KCNMA1: variants seen among roughly 807,000 people sequenced by gnomAD.
KCNMA1 encodes the protein Calcium-activated potassium channel subunit alpha-1.
KCNMA1 carries 29 observed loss-of-function variants against 140.0 expected under a neutral mutation model. The ratio of observed to expected loss-of-function variants is 0.21; its 90% CI spans 0.15 to 0.28. The LOEUF is 0.28. Ranked by LOEUF, KCNMA1 falls within the 10% of genes least tolerant of loss-of-function variation. KCNMA1 has a pLI of 1.00. For synonymous variants in KCNMA1, 612 were observed against 611.9 expected (o/e 1.00, Z 0.00); for missense variants, 880 against 1,602.2 (o/e 0.55, Z 7.70).
intron 10 of KCNMA1, among the ~76,000 whole-genome samples, chr10:77,088,001 C>T (rs997559725): frequency 6.6e-6 from 1 of 152,032 alleles, no homozygotes; most frequent in African/African-American, 2.4e-5. Flanking sequence ...GAGTTTATCT[C>T]TGTCACACAG....
At chr10:77,153,996 T>A (rs1395961511) in intron 5 of KCNMA1, among the ~76,000 whole-genome samples, 1 of 152,160 alleles carries the variant, frequency 6.6e-6, no homozygotes, top group African/African-American at 2.4e-5. Flanking sequence ...CAAAATCTCA[T>A]CTTGAATTGT....
intron 1 of KCNMA1, among the ~76,000 whole-genome samples, chr10:77,443,082 TAC>T (rs2097443988): frequency 6.6e-6 from 1 of 152,134 alleles, no homozygotes; most frequent in Non-Finnish European, 1.5e-5. Flanking sequence ...GGTGGCTGGG[TAC>T]ACACACATAG....
At chr10:77,550,676 G>A (rs746622553) in intron 1 of KCNMA1, among the ~76,000 whole-genome samples, 3 of 152,210 alleles carry the variant, frequency 2.0e-5, no homozygotes, top group Non-Finnish European at 4.4e-5. Flanking sequence ...TTGGGGGAGT[G>A]GCAAGGATTG....
At chr10:77,378,769 A>C (rs1296919975) in intron 2 of KCNMA1, among the ~76,000 whole-genome samples, 1 of 152,236 alleles carries the variant, frequency 6.6e-6, no homozygotes, top group Non-Finnish European at 1.5e-5. Context: ...TGCAAACATA[A>C]AGCATGGTGC....
chr10:77,175,061 G>A (rs947242196), intron 5 of KCNMA1, among the ~76,000 whole-genome samples: 4 of 152,108 alleles, frequency 2.6e-5, no homozygotes, highest in Non-Finnish European at 4.4e-5. Context: ...ATCACCAGGA[G>A]TGCTTGTTAA....
chr10:77,048,019 A>G lies in KCNMA1; in HGVS notation c.1750-8382T>C, dbSNP rs551606749. ...TGAATTACAGGCCAGGCACTGGCTC[A>G]CGCCTGTAATCCCAGCAATTTGAGA... is the stretch of plus-strand genomic sequence containing the variant. On this transcript the variant is annotated intron_variant, in intron 14 of 27. Coordinates refer to ENST00000286628, the MANE Select transcript of KCNMA1 (RefSeq NM_001161352.2). 2.6e-5 allele frequency among the ~76,000 whole-genome samples: 4 copies of G among 152,074 alleles called. No individual in the cohort carries two copies. In the South Asian group the frequency reaches 6.2e-4, roughly 24 times the overall value.
At position 77,286,099 on chromosome 10, in the gene KCNMA1, C is replaced by A. The variant is rs377232605; in HGVS notation, c.541-34843G>T. On this transcript the variant is annotated intron_variant, in intron 2 of 27. Transcript: ENST00000286628. Reference sequence around the variant, plus strand: ...CAACATATTTATAATGGGACTCTACCTACACAATTAATTGTGTAATTTTTT... The same window carrying A: ...CAACATATTTATAATGGGACTCTACATACACAATTAATTGTGTAATTTTTT... Among the ~76,000 whole-genome samples, 4 of 152,272 alleles carry A rather than the reference C, an allele frequency of 2.6e-5. No homozygotes were observed. In the East Asian group the frequency reaches 7.7e-4, roughly 29 times the overall value.
chr10:77,167,343 G>T (rs1007555598), intron 5 of KCNMA1, among the ~76,000 whole-genome samples: 1 of 152,176 alleles, frequency 6.6e-6, no homozygotes, highest in African/African-American at 2.4e-5. Context: ...TTTGAAGAGA[G>T]ACATTCACTC....
At chr10:77,044,845 C>T (rs1034440814) in intron 14 of KCNMA1, among the ~76,000 whole-genome samples, 4 of 152,144 alleles carry the variant, frequency 2.6e-5, no homozygotes, top group Non-Finnish European at 5.9e-5. Flanking sequence ...AGAGTTCACA[C>T]TCTTAACCAC....
At chr10:76,945,015 C>G (rs1565094354) in intron 22 of KCNMA1, 50 bp from the exon 23 acceptor site, 1 of 1,415,832 alleles carries the variant, frequency 7.1e-7, no homozygotes, top group Non-Finnish European at 9.9e-7. Flanking sequence ...GAGAAAGAGA[C>G]AGAGAGAGAG....
intron 1 of KCNMA1, among the ~76,000 whole-genome samples, chr10:77,427,306 T>C (rs1054338739): frequency 2.0e-5 from 3 of 152,214 alleles, no homozygotes; most frequent in Non-Finnish European, 4.4e-5. Flanking sequence ...GTGAAGAGGC[T>C]TGCTTTAGAG....
intron 2 of KCNMA1, among the ~76,000 whole-genome samples, chr10:77,279,725 A>G (rs1233030670): frequency 3.3e-5 from 5 of 152,164 alleles, no homozygotes; most frequent in South Asian, 2.1e-4. Flanking sequence ...GAGGAACCCA[A>G]TGGGAGGTAA....
At chr10:77,411,769 G>A (rs963480124) in intron 1 of KCNMA1, among the ~76,000 whole-genome samples, 1 of 152,182 alleles carries the variant, frequency 6.6e-6, no homozygotes, top group Non-Finnish European at 1.5e-5. Flanking sequence ...CAAGGACAGA[G>A]AAACACAGTT....
At chr10:77,012,356 T>C (rs2090998130) in intron 17 of KCNMA1, 1 of 1,485,184 alleles carries the variant, frequency 6.7e-7, no homozygotes, top group Non-Finnish European at 8.9e-7. Context: ...CAGCCTTTGA[T>C]GCTACTCGTG....
intron 19 of KCNMA1, among the ~76,000 whole-genome samples, chr10:77,001,202 G>C (rs868193098): frequency 6.6e-6 from 1 of 152,064 alleles, no homozygotes; most frequent in Non-Finnish European, 1.5e-5. Flanking sequence ...TACGAGAAGC[G>C]TAAGTTAAGA....
intron 5 of KCNMA1, among the ~76,000 whole-genome samples, chr10:77,130,090 T>C (rs767063082): frequency 6.6e-6 from 1 of 152,122 alleles, no homozygotes; most frequent in Non-Finnish European, 1.5e-5. Flanking sequence ...AAACATAAAC[T>C]GAGGACCAAA....
chr10:77,598,206 A>T (rs900802573), intron 1 of KCNMA1, among the ~76,000 whole-genome samples: 1 of 152,106 alleles, frequency 6.6e-6, no homozygotes, highest in African/African-American at 2.4e-5. Flanking sequence ...CATGACCTCA[A>T]GTGATCCGCC....
chr10:77,095,602 T>C (rs10509380), intron 9 of KCNMA1, among the ~76,000 whole-genome samples: 66,102 of 151,982 alleles, frequency 0.43, 15,709 homozygotes, highest in Non-Finnish European at 0.53. Context: ...TTATGAACAC[T>C]ATTGAGGGTC....
At chr10:77,278,044 T>C (rs1051328412) in intron 2 of KCNMA1, among the ~76,000 whole-genome samples, 3 of 152,242 alleles carry the variant, frequency 2.0e-5, no homozygotes, top group Non-Finnish European at 2.9e-5. Context: ...GTCTGTCCTC[T>C]GATGATATGT....
Sources: allele counts gnomAD v4.1 joint callset (sites outside exome capture counted in the v4.1 genomes callset), GRCh38; gene constraint gnomAD v4.1.1; transcripts MANE v1.5; gene names NCBI Gene and HGNC (gene_info 2026-07-23, HGNC 2026-07-21).